Variants in ASAP1 observed in about 807,000 individuals in gnomAD.
ASAP1 encodes the protein ArfGAP with SH3 domain, ankyrin repeat and PH domain 1, also known as arf-GAP with SH3 domain, ANK repeat and PH domain-containing protein 1.
A neutral mutation model predicts 145.2 loss-of-function variants in ASAP1; 43 were observed. The observed-to-expected ratio is 0.30, with a 90% CI of 0.23 to 0.38. ASAP1 has a LOEUF of 0.38. ASAP1 is among the 10% of genes least tolerant of loss of function. ASAP1 has a pLI of 1.00. For missense variants in ASAP1, 1,018 were observed against 1,355.3 expected (o/e 0.75, Z 3.91); for synonymous variants, 546 against 515.5 (o/e 1.06, Z -0.80).
chr8:130,058,185 G>A (rs2135022203), intron 28 of ASAP1, 109 bp from the exon 29 acceptor site: 1 of 1,228,490 alleles, frequency 8.1e-7, no homozygotes, highest in Non-Finnish European at 1.2e-6. Context: ...ACCTCGCTGA[G>A]CCTTGATTTC....
intron 3 of ASAP1, among the ~76,000 whole-genome samples, chr8:130,327,637 A>G (rs762258236): frequency 3.9e-5 from 6 of 152,368 alleles, no homozygotes; most frequent in Middle Eastern, 3.4e-3. Flanking sequence ...AATAGCTGCT[A>G]AAGTAAGGTA....
chr8:130,128,136 GT>G, intron 15 of ASAP1, 46 bp from the exon 16 acceptor site: 1 of 484,642 alleles, frequency 2.1e-6, no homozygotes, highest in South Asian at 8.3e-5. Context: ...TAAGAGCATG[GT>G]CATTTTTTTT....
At chr8:130,107,276 G>A (rs144202019) in intron 24 of ASAP1, among the ~76,000 whole-genome samples, 1,637 of 145,638 alleles carry the variant, frequency 0.011, 25 homozygotes, top group African/African-American at 0.04. Flanking sequence ...TCCGCTTCCC[G>A]GGTTCACGCC....
chr8:130,222,534 C>T (rs7832287), intron 4 of ASAP1, among the ~76,000 whole-genome samples: 3,715 of 152,248 alleles, frequency 0.024, 155 homozygotes, highest in African/African-American at 0.085. Context: ...TCTCCACTGA[C>T]ACACTCAGGA....
At chr8:130,069,711 CCAA>C (rs1238166456) in intron 27 of ASAP1, 2 of 152,192 alleles carry the variant, frequency 1.3e-5, no homozygotes, top group Non-Finnish European at 2.9e-5. Context: ...CTCCGCTCTC[CCAA>C]CATTAAACGG....
chr8:130,337,903 T>G (rs1461868697), intron 3 of ASAP1, among the ~76,000 whole-genome samples: 1 of 152,224 alleles, frequency 6.6e-6, no homozygotes, highest in Non-Finnish European at 1.5e-5. Context: ...GGGATGGCAA[T>G]TATAGCAACT....
chr8:130,424,626 T>G (rs1829845198), intron 1 of ASAP1, among the ~76,000 whole-genome samples: 1 of 152,086 alleles, frequency 6.6e-6, no homozygotes. Flanking sequence ...CCAGGTGCAT[T>G]CATTCATTTA....
chr8:130,066,573 TTTTC>T (rs201034114), intron 27 of ASAP1, among the ~76,000 whole-genome samples: 3,489 of 152,130 alleles, frequency 0.023, 52 homozygotes, highest in Middle Eastern at 0.061. Flanking sequence ...TTTCTTTCTT[TTTTC>T]TTTCTTTCTT....
chr8:130,104,802 C>G (rs1451370856), intron 24 of ASAP1, among the ~76,000 whole-genome samples: 1 of 151,904 alleles, frequency 6.6e-6, no homozygotes, highest in Non-Finnish European at 1.5e-5. Flanking sequence ...TAGTTACACA[C>G]AGAAAAACCA....
At chr8:130,282,155 C>T (rs1425874355) in intron 3 of ASAP1, among the ~76,000 whole-genome samples, 1 of 151,514 alleles carries the variant, frequency 6.6e-6, no homozygotes, top group Non-Finnish European at 1.5e-5. Flanking sequence ...TTTGCAGTAT[C>T]TTTTAATTAG....
chr8:130,057,416 T>C (rs931443112), intron 29 of ASAP1, among the ~76,000 whole-genome samples: 3 of 152,214 alleles, frequency 2.0e-5, no homozygotes, highest in African/African-American at 4.8e-5. Context: ...CATACAAATG[T>C]TAATTCTCTT....
At chr8:130,227,042 C>A (rs1817623664) in intron 4 of ASAP1, among the ~76,000 whole-genome samples, 1 of 152,232 alleles carries the variant, frequency 6.6e-6, no homozygotes, top group African/African-American at 2.4e-5. Flanking sequence ...CACAAACTTT[C>A]ATCAAGCACC....
intron 15 of ASAP1, among the ~76,000 whole-genome samples, chr8:130,132,502 G>A (rs530890727): frequency 6.6e-6 from 1 of 152,210 alleles, no homozygotes; most frequent in Non-Finnish European, 1.5e-5. Context: ...CTACGTTCCT[G>A]AGCCAGCTCA....
intron 5 of ASAP1, among the ~76,000 whole-genome samples, chr8:130,213,692 A>G (rs1434356817): frequency 6.6e-6 from 1 of 152,220 alleles, no homozygotes; most frequent in Non-Finnish European, 1.5e-5. Flanking sequence ...GGCACCTTTC[A>G]ACCTCATTGT....
chr8:130,172,950 A>G (rs901513095), intron 9 of ASAP1, among the ~76,000 whole-genome samples: 1 of 152,256 alleles, frequency 6.6e-6, no homozygotes, highest in Non-Finnish European at 1.5e-5. Context: ...AATCTGTAGC[A>G]TAATCCCATT....
chr8:130,188,973 A>G (rs1370032069), intron 5 of ASAP1, among the ~76,000 whole-genome samples: 1 of 152,108 alleles, frequency 6.6e-6, no homozygotes, highest in Non-Finnish European at 1.5e-5. Context: ...TATAGCATGT[A>G]TCATTATCTG....
intron 12 of ASAP1, among the ~76,000 whole-genome samples, chr8:130,153,017 CT>C (rs1192401157): frequency 1.3e-5 from 2 of 151,752 alleles, no homozygotes; most frequent in Non-Finnish European, 2.9e-5. Context: ...TACAGCACTG[CT>C]TTTTAATTTT....
intron 17 of ASAP1, among the ~76,000 whole-genome samples, chr8:130,124,953 C>T (rs1400875476): frequency 6.6e-6 from 1 of 152,126 alleles, no homozygotes; most frequent in Non-Finnish European, 1.5e-5. Context: ...ATGGTAACTT[C>T]CTACATTCTA....
chr8:130,252,458 T>G (rs978587685), intron 3 of ASAP1, among the ~76,000 whole-genome samples: 1 of 152,170 alleles, frequency 6.6e-6, no homozygotes, highest in Non-Finnish European at 1.5e-5. Context: ...ATACATGCAA[T>G]GCCTGCTTTT....
Sources: allele counts gnomAD v4.1 joint callset (sites outside exome capture counted in the v4.1 genomes callset), GRCh38; gene constraint gnomAD v4.1.1; transcripts MANE v1.5; gene names NCBI Gene and HGNC (gene_info 2026-07-23, HGNC 2026-07-21).